Variants in GNE observed in about 807,000 individuals in gnomAD.
GNE encodes the protein glucosamine (UDP-N-acetyl)-2-epimerase/N-acetylmannosamine kinase, also known as bifunctional UDP-N-acetylglucosamine 2-epimerase/N-acetylmannosamine kinase.
A neutral mutation model predicts 61.8 loss-of-function variants in GNE; 41 were observed. The ratio of observed to expected loss-of-function variants is 0.66; its 90% CI spans 0.52 to 0.86. GNE has a LOEUF of 0.86. Among genes scored for constraint, GNE ranks in the 40% least tolerant of loss-of-function variants. The probability of loss-of-function intolerance (pLI) is 0.00; values close to 1 mark genes in which losing one functional copy is unlikely to be tolerated. For missense variants in GNE, 608 were observed against 909.1 expected (o/e 0.67, Z 4.26); for synonymous variants, 264 against 326.4 (o/e 0.81, Z 2.06).
intron 10 of GNE, 119 bp downstream of exon 10, chr9:36,219,719 C>A: frequency 3.3e-6 from 3 of 907,610 alleles, no homozygotes; most frequent in Non-Finnish European, 5.4e-6. Flanking sequence ...CCTGCTCTTT[C>A]CCTAAGAAGT....
intron 1 of GNE, among the ~76,000 whole-genome samples, chr9:36,249,675 A>G (rs945663245): frequency 3.3e-5 from 5 of 152,014 alleles, no homozygotes; most frequent in African/African-American, 1.2e-4. Context: ...TCAGGAGATC[A>G]AGACCATCCT....
chr9:36,223,900 T>C (rs1326841305), intron 7 of GNE, among the ~76,000 whole-genome samples: 1 of 151,914 alleles, frequency 6.6e-6, no homozygotes, highest in Non-Finnish European at 1.5e-5. Flanking sequence ...TACAGGTGCC[T>C]GCCACCACGC....
chr9:36,236,918 T>C lies in GNE; in HGVS notation c.683A>G (p.His228Arg). Residue 228 changes from histidine (H) to arginine (R), a missense_variant, in exon 4 of 12, where the codon CAT becomes CGT. By Grantham distance (29) the His-to-Arg change is conservative (BLOSUM62 0). Transcript: ENST00000642385. ...TGTTAATTCAAACATTTTTATGGAA[T>C]GCTTAATGTCAGTGGTCACAGGGTG... is the stretch of plus-strand genomic sequence containing the variant. ...LQHPVTTDIK[H>R]SIKMFELTLD... 1 of 1,611,532 alleles carries C rather than the reference T, an allele frequency of 6.2e-7. No homozygotes were observed. The highest frequency in any genetic ancestry group is 8.5e-7 in the Non-Finnish European group (1 of 1,177,602).
In GNE at chr9:36,215,944, T is replaced by G. The variant is rs1371643909; in HGVS notation, c.*1421A>C. On this transcript the variant is annotated 3_prime_UTR_variant, in exon 12 of 12. Coordinates refer to ENST00000642385, the MANE Select transcript of GNE (RefSeq NM_005476.7). Reference sequence around the variant, plus strand: ...GTAGCAAAGATCCTTTTGGGACAGTTAATCTCCTTTTAAAGGCTCTAAGTC... The same window carrying G: ...GTAGCAAAGATCCTTTTGGGACAGTGAATCTCCTTTTAAAGGCTCTAAGTC... 1 of 207,994 alleles carries G rather than the reference T, an allele frequency of 4.8e-6. No homozygotes were observed. Among genetic ancestry groups the G allele is most frequent in the Admixed American group, 5.3e-5 (1 of 18,976 alleles). The allele number at this position is 207,994 out of a possible 1,614,324, so 12.9% of individuals were successfully genotyped here.
chr9:36,263,083 C>T (rs903049266), upstream of GNE: 2 of 152,176 alleles, frequency 1.3e-5, no homozygotes, highest in Non-Finnish European at 2.9e-5. Flanking sequence ...ATCCCACTTG[C>T]TTAGCTACTA....
intron 4 of GNE, among the ~76,000 whole-genome samples, chr9:36,235,726 C>T (rs1486626074): frequency 6.6e-6 from 1 of 152,164 alleles, no homozygotes; most frequent in East Asian, 1.9e-4. Context: ...TAATATCCTA[C>T]TTTGTTCTCC....
intron 1 of GNE, among the ~76,000 whole-genome samples, chr9:36,270,298 T>C (rs190830231): frequency 1.3e-5 from 2 of 152,240 alleles, no homozygotes; most frequent in Non-Finnish European, 2.9e-5. Context: ...TCCTTAATTC[T>C]GAGATGCTTT....
intron 1 of GNE, among the ~76,000 whole-genome samples, chr9:36,253,660 C>G (rs1345784873): frequency 1.3e-5 from 2 of 152,026 alleles, no homozygotes; most frequent in Non-Finnish European, 2.9e-5. Flanking sequence ...AATATCAAAT[C>G]TAAAAGTGCA....
intron 6 of GNE, among the ~76,000 whole-genome samples, chr9:36,228,814 GAAATA>G (rs1829013730): frequency 1.5e-5 from 2 of 130,860 alleles, no homozygotes; most frequent in African/African-American, 5.6e-5. Context: ...AAAAAAAAAA[GAAATA>G]AAATATGTAT....
rs1053737074 is a variant in GNE at position 36,245,976 on chromosome 9, G to A, written c.616+55C>T. On this transcript the variant is annotated intron_variant, in intron 3 of 11. Transcript: ENST00000642385. ...AGTTTCCAAAAGGATTGAAATAGAC[G>A]GAACATTTTCTGACAAAAACAGCCA... The A allele has an allele frequency of 2.7e-5, 36 of 1,342,912 alleles. No individual in the cohort carries two copies. The African/African-American group carries it at 3.7e-4, about 14-fold the overall frequency. 83.2% of individuals were successfully genotyped at this position (1,342,912 alleles called of 1,614,324 possible).
chr9:36,236,739 A>G, intron 4 of GNE, 93 bp downstream of exon 4: 1 of 1,089,464 alleles, frequency 9.2e-7, no homozygotes, highest in Non-Finnish European at 1.4e-6. Context: ...TTCAATGATA[A>G]GATGAGCAAG....
At chr9:36,237,396 A>G (rs765796417) in intron 3 of GNE, among the ~76,000 whole-genome samples, 1 of 152,332 alleles carries the variant, frequency 6.6e-6, no homozygotes, top group East Asian at 1.9e-4. Flanking sequence ...AGCATTAAAC[A>G]TATTTCCTAG....
At chr9:36,268,996 G>T (rs989957467) in intron 1 of GNE, among the ~76,000 whole-genome samples, 3 of 152,022 alleles carry the variant, frequency 2.0e-5, no homozygotes, top group Non-Finnish European at 4.4e-5. Context: ...TGGGTGTGGT[G>T]CTGTGTGCCT....
intron 7 of GNE, among the ~76,000 whole-genome samples, chr9:36,225,487 T>C (rs1451638329): frequency 6.6e-6 from 1 of 152,038 alleles, no homozygotes; most frequent in Non-Finnish European, 1.5e-5. Flanking sequence ...ATACAAAAAT[T>C]AGCCAGGCAT....
At chr9:36,274,115 T>TGTGTGTGA (rs1273335048) in intron 1 of GNE, among the ~76,000 whole-genome samples, 2 of 144,696 alleles carry the variant, frequency 1.4e-5, no homozygotes, top group African/African-American at 5.1e-5. Context: ...TGTGTGTGTG[T>TGTGTGTGA]GACAGGGTCT....
chr9:36,242,733 T>G (rs10814358), intron 3 of GNE, among the ~76,000 whole-genome samples: 2 of 47,844 alleles, frequency 4.2e-5, no homozygotes, highest in Admixed American at 2.4e-4. Flanking sequence ...TTTATGCTTG[T>G]TTTTTTTTTT....
chr9:36,258,538 C>T (rs1830494335), upstream of GNE: 2 of 984,270 alleles, frequency 2.0e-6, no homozygotes, highest in African/African-American at 1.7e-5. Context: ...TGACGCCACC[C>T]GAGAGAGCTC....
intron 2 of GNE, among the ~76,000 whole-genome samples, chr9:36,246,795 C>T (rs1181128585): frequency 1.4e-5 from 2 of 147,462 alleles, no homozygotes; most frequent in Admixed American, 6.8e-5. Context: ...CAGCCTCCTG[C>T]GTAGCTGGGA....
At chr9:36,262,423 G>A (rs547418233), upstream of GNE, among the ~76,000 whole-genome samples, 65 of 152,140 alleles carry the variant, frequency 4.3e-4, no homozygotes, top group African/African-American at 1.5e-3. Flanking sequence ...TTGGCTTTTT[G>A]AGATCACTTT....
Sources: allele counts gnomAD v4.1 joint callset (sites outside exome capture counted in the v4.1 genomes callset), GRCh38; gene constraint gnomAD v4.1.1; transcripts MANE v1.5; gene names NCBI Gene and HGNC (gene_info 2026-07-23, HGNC 2026-07-21).